The following MYO3B variants were observed in gnomAD, a reference collection of about 807,000 sequenced individuals.
The protein encoded by MYO3B is myosin-IIIb.
MYO3B carries 156 observed loss-of-function variants against 174.6 expected under a neutral mutation model. The ratio of observed to expected loss-of-function variants is 0.89; its 90% CI spans 0.78 to 1.02. The LOEUF is 1.02. MYO3B is among the 50% of genes least tolerant of loss of function. The pLI, the probability that MYO3B is intolerant of heterozygous loss-of-function variation, is 0.00. For synonymous variants in MYO3B, 563 were observed against 569.1 expected (o/e 0.99, Z 0.15); for missense variants, 1,632 against 1,639.4 (o/e 1.00, Z 0.08).
intron 25 of MYO3B, among the ~76,000 whole-genome samples, chr2:170,474,958 C>T (rs916790946): frequency 1.3e-5 from 2 of 151,866 alleles, no homozygotes; most frequent in African/African-American, 4.8e-5. Context: ...GGAATAAGAA[C>T]TAAATATATA....
At chr2:170,592,820 T>G (rs1220858085) in intron 32 of MYO3B, among the ~76,000 whole-genome samples, 1 of 152,162 alleles carries the variant, frequency 6.6e-6, no homozygotes, top group Non-Finnish European at 1.5e-5. Flanking sequence ...TCTTACCATC[T>G]CTTACATCTC....
intron 25 of MYO3B, among the ~76,000 whole-genome samples, chr2:170,488,495 T>C (rs1204423961): frequency 6.6e-6 from 1 of 152,138 alleles, no homozygotes; most frequent in African/African-American, 2.4e-5. Flanking sequence ...CAGAAGAAGA[T>C]AAAATCATGA....
At chr2:170,429,041 T>C (rs1417672233) in intron 22 of MYO3B, among the ~76,000 whole-genome samples, 1 of 152,220 alleles carries the variant, frequency 6.6e-6, no homozygotes, top group Non-Finnish European at 1.5e-5. Flanking sequence ...TCTTGTTTGC[T>C]GAAGCCCTGT....
intron 7 of MYO3B, among the ~76,000 whole-genome samples, chr2:170,303,766 G>A (rs2093681459): frequency 6.6e-6 from 1 of 152,058 alleles, no homozygotes; most frequent in Non-Finnish European, 1.5e-5. Flanking sequence ...TCTGGAATAT[G>A]TATCTATTCG....
At chr2:170,600,662 G>A (rs932086683) in intron 32 of MYO3B, among the ~76,000 whole-genome samples, 3 of 152,162 alleles carry the variant, frequency 2.0e-5, no homozygotes, top group African/African-American at 7.2e-5. Context: ...TCTTCACTGA[G>A]ACTAATGTCC....
At chr2:170,305,262 A>ATGTGTATGT (rs2093693355) in intron 7 of MYO3B, among the ~76,000 whole-genome samples, 1 of 152,194 alleles carries the variant, frequency 6.6e-6, no homozygotes, top group Non-Finnish European at 1.5e-5. Flanking sequence ...ATCCTACACT[A>ATGTGTATGT]AAACGTTACA....
intron 16 of MYO3B, among the ~76,000 whole-genome samples, chr2:170,397,642 T>G (rs1411694271): frequency 3.9e-5 from 6 of 152,076 alleles, no homozygotes; most frequent in African/African-American, 1.5e-4. Context: ...AATATGTGGG[T>G]TTTTCTCCCC....
intron 1 of MYO3B, among the ~76,000 whole-genome samples, chr2:170,182,285 T>G (rs1321330235): frequency 6.6e-6 from 1 of 152,170 alleles, no homozygotes; most frequent in Admixed American, 6.5e-5. Context: ...CCATACTCTA[T>G]TTTGGAGAAA....
chr2:170,251,332 GC>G (rs2093251184), intron 7 of MYO3B, among the ~76,000 whole-genome samples: 1 of 152,114 alleles, frequency 6.6e-6, no homozygotes, highest in Non-Finnish European at 1.5e-5. Context: ...GTGGCAGAGG[GC>G]AAGCTTGAAG....
chr2:170,589,424 T>G (rs1438271035), intron 32 of MYO3B, among the ~76,000 whole-genome samples: 1 of 152,188 alleles, frequency 6.6e-6, no homozygotes, highest in Non-Finnish European at 1.5e-5. Flanking sequence ...GATCCGTGCA[T>G]ATTCTTGCCT....
chr2:170,462,561 C>T (rs1559025008), intron 23 of MYO3B, among the ~76,000 whole-genome samples: 1 of 152,276 alleles, frequency 6.6e-6, no homozygotes, highest in African/African-American at 2.4e-5. Flanking sequence ...GTCCACCCAG[C>T]CTAACCCACA....
intron 7 of MYO3B, among the ~76,000 whole-genome samples, chr2:170,331,391 A>C (rs1220041958): frequency 1.3e-5 from 2 of 152,204 alleles, no homozygotes; most frequent in African/African-American, 4.8e-5. Flanking sequence ...AGGGAAGGAG[A>C]AAAACAAGAA....
chr2:170,624,366 T>G (rs1696209620), intron 32 of MYO3B, among the ~76,000 whole-genome samples: 2 of 152,214 alleles, frequency 1.3e-5, no homozygotes. Context: ...ATGATTTGTC[T>G]GTCTGTTATT....
At chr2:170,492,832 C>T (rs546350990) in intron 25 of MYO3B, among the ~76,000 whole-genome samples, 29 of 152,198 alleles carry the variant, frequency 1.9e-4, no homozygotes, top group African/African-American at 3.1e-4. Context: ...TTATGTCCTT[C>T]GCAATCTTCT....
rs1270389187 is a variant in MYO3B, at chr2:170,466,821, G to A, written c.3014+110G>A. On this transcript the variant is annotated intron_variant, in intron 25 of 34. Coordinates refer to ENST00000408978, the MANE Select transcript of MYO3B (RefSeq NM_138995.5). ...GTGCTCTCCTCCAAACATGTAATTG[G>A]CTAGTTGCCAGCTACCATTTACTTG... 1.1e-5 allele frequency: 12 copies of A among 1,077,552 alleles called. No individual in the cohort carries two copies. The Admixed American group carries it at 2.5e-4, about 22-fold the overall frequency. The allele number at this position is 1,077,552 out of a possible 1,614,324, so 66.7% of individuals were successfully genotyped here.
chr2:170,444,139 A>G, intron 23 of MYO3B, 93 bp downstream of exon 23: 2 of 1,054,250 alleles, frequency 1.9e-6, no homozygotes, highest in African/African-American at 3.1e-5. Flanking sequence ...GTTCCCTTCT[A>G]GCAGCCCTCT....
chr2:170,196,364 T>A (rs2092600230), intron 1 of MYO3B, among the ~76,000 whole-genome samples: 1 of 152,058 alleles, frequency 6.6e-6, no homozygotes, highest in African/African-American at 2.4e-5. Context: ...ACCAAAAAAA[T>A]TAGCTGGGTG....
At chr2:170,199,637 C>A (rs1335087568) in intron 2 of MYO3B, among the ~76,000 whole-genome samples, 1 of 152,144 alleles carries the variant, frequency 6.6e-6, no homozygotes, top group Non-Finnish European at 1.5e-5. Context: ...AAAAGTTATT[C>A]TCTTGGAAAG....
intron 7 of MYO3B, among the ~76,000 whole-genome samples, chr2:170,260,730 T>C (rs990691638): frequency 6.6e-6 from 1 of 152,202 alleles, no homozygotes; most frequent in African/African-American, 2.4e-5. Flanking sequence ...AAAAAAGAAT[T>C]CAGTTGAGAA....
Sources: gnomAD v4.1 joint callset for allele counts (sites outside exome capture counted in the v4.1 genomes callset) on GRCh38, gnomAD v4.1.1 for gene constraint, MANE v1.5 for transcripts, NCBI Gene and HGNC (gene_info 2026-07-23, HGNC 2026-07-21) for gene names.